Variants in C5orf15 observed in about 807,000 individuals in gnomAD.
C5orf15 encodes chromosome 5 open reading frame 15, also known as keratinocyte-associated transmembrane protein 2.
In C5orf15, 10 loss-of-function variants were observed where a neutral mutation model predicts 17.8. The ratio of observed to expected loss-of-function variants is 0.56; its 90% CI spans 0.35 to 0.95. The LOEUF is 0.95. Among genes scored for constraint, C5orf15 ranks in the 40% least tolerant of loss-of-function variants. The pLI is 0.02. For synonymous variants in C5orf15, 124 were observed against 131.0 expected, an observed-to-expected ratio of 0.95 and a Z score of 0.36; for missense variants, 319 against 331.7, an observed-to-expected ratio of 0.96 and a Z score of 0.30.
chr5:133,962,664 T>C (rs1329826026), intron 1 of C5orf15, among the ~76,000 whole-genome samples: 1 of 152,152 alleles, frequency 6.6e-6, no homozygotes, highest in African/African-American at 2.4e-5. Flanking sequence ...CCCTCCTCTT[T>C]ACCTCAGCCA....
intron 2 of C5orf15, among the ~76,000 whole-genome samples, chr5:133,958,576 C>CAA (rs71581378): frequency 0.069 from 2,214 of 31,912 alleles, 509 homozygotes; most frequent in Non-Finnish European, 0.11. Context: ...AGCTCTGTCT[C>CAA]AAAAAAAAAA....
intron 2 of C5orf15, among the ~76,000 whole-genome samples, chr5:133,957,786 A>G (rs1291553473): frequency 6.6e-6 from 1 of 152,280 alleles, no homozygotes; most frequent in South Asian, 2.1e-4. Context: ...AAGGAAATCA[A>G]GGCCCCGAAG....
intron 1 of C5orf15, among the ~76,000 whole-genome samples, chr5:133,962,242 T>C (rs1350780597): frequency 6.6e-6 from 1 of 152,170 alleles, no homozygotes; most frequent in Non-Finnish European, 1.5e-5. Context: ...ATAAAGAAAT[T>C]TCCACCACGC....
intron 1 of C5orf15, among the ~76,000 whole-genome samples, chr5:133,962,462 T>C (rs1315631642): frequency 3.3e-5 from 5 of 152,196 alleles, no homozygotes; most frequent in Non-Finnish European, 5.9e-5. Flanking sequence ...CCCGTTCTTC[T>C]CCCTAAATGC....
chr5:133,958,576 C>CAAAAA (rs71581378), intron 2 of C5orf15, among the ~76,000 whole-genome samples: 14 of 31,998 alleles, frequency 4.4e-4, no homozygotes, highest in African/African-American at 1.0e-3. Flanking sequence ...AGCTCTGTCT[C>CAAAAA]AAAAAAAAAA....
Position 133,956,154 on chromosome 5 carries a change from T to C in C5orf15, c.*705A>G, listed in dbSNP as rs1390715203. The C allele has an allele frequency of 1.3e-5, 2 of 152,674 alleles. No individual in the cohort carries two copies. The highest frequency in any genetic ancestry group is 4.8e-5 in the African/African-American group (2 of 41,472). The allele number at this position is 152,674 out of a possible 1,614,324, so 9.5% of individuals were successfully genotyped here. ...CAATCAATTGCTAACTAAAAGCAAT[T>C]GTACATGTATTTAACATTTTACCAG... On this transcript the variant is annotated 3_prime_UTR_variant, in exon 3 of 3. Transcript: ENST00000231512.
Position 133,959,994 on chromosome 5 carries a change from G to C in C5orf15, c.166C>G (p.Pro56Ala), listed in dbSNP as rs371520792. ...SVVSRTDSPS[P>A]TVLNSHISTP... ...GAAATATGTGAGTTGAGTACGGTTG[G>C]GCTCGGTGAATCAGTCCGTGATACA... Residue 56 changes from proline to alanine, a missense_variant, in exon 2 of 3, where the codon CCA becomes GCA. Coordinates refer to ENST00000231512, the MANE Select transcript of C5orf15 (RefSeq NM_020199.3). The C allele has an allele frequency of 2.5e-6, 4 of 1,610,392 alleles. No homozygotes were observed. The highest frequency in any genetic ancestry group is 3.4e-6 in the Non-Finnish European group (4 of 1,177,006).
chr5:133,966,850 G>A (rs1009722077), intron 1 of C5orf15, among the ~76,000 whole-genome samples: 1 of 152,166 alleles, frequency 6.6e-6, no homozygotes, highest in African/African-American at 2.4e-5. Context: ...CTGAATTTAT[G>A]ACATTTTAAA....
Position 133,959,657 on chromosome 5 carries a change from G to T in C5orf15, c.503C>A (p.Thr168Asn). 1 of 1,613,472 alleles carries T rather than the reference G, an allele frequency of 6.2e-7. No homozygotes were observed. The highest frequency in any genetic ancestry group is 8.5e-7 in the Non-Finnish European group (1 of 1,179,850). The change falls in exon 2 of 3, where the codon ACC (threonine) becomes AAC (asparagine). Residue 168 changes from threonine (T) to asparagine (N), a missense_variant. Around this residue, in one of 3 missense-constraint regions of C5orf15, gnomAD observed 175 missense variants for 192.4 expected, o/e 0.91. Coordinates refer to ENST00000231512, the MANE Select transcript of C5orf15 (RefSeq NM_020199.3). Reference sequence around the variant, plus strand: ...CATGTAACCCCTGTTTTCTTCCAAGGTGTCATCAGACTCGTCGTCGTCCCT... The same window carrying T: ...CATGTAACCCCTGTTTTCTTCCAAGTTGTCATCAGACTCGTCGTCGTCCCT... The part of the protein sequence containing the change: ...GPRDDDESDD[T>N]LEENRGYMEI...
At position 133,958,601 on chromosome 5, in the gene C5orf15, A is replaced by C. The variant is rs1390230964; in HGVS notation, c.666+893T>G. On this transcript the variant is annotated intron_variant, in intron 2 of 2. Transcript: ENST00000231512. The stretch of plus-strand genomic sequence containing the variant: ...CAAAAAAAAAAAAAAAAAAAAAAAA[A>C]AAACTCTGTGAGATAAAATTCCTTA... 8.0e-5 allele frequency among the ~76,000 whole-genome samples: 12 copies of C among 150,176 alleles called. No homozygotes were observed. The East Asian group carries it at 2.1e-3, about 27-fold the overall frequency.
chr5:133,968,601 A>C lies in C5orf15; in HGVS notation c.-17T>G, dbSNP rs753836756. 1 of 1,590,402 alleles carries C rather than the reference A, an allele frequency of 6.3e-7. No individual in the cohort carries two copies. The highest frequency in any genetic ancestry group is 8.5e-7 in the Non-Finnish European group (1 of 1,169,970). ...AGCGGCCATAACGGACTCGGCTGGG[A>C]GCCTGCGCTGTTGCTAGGCTCTACG... On this transcript the variant is annotated 5_prime_UTR_variant, in exon 1 of 3. Coordinates refer to ENST00000231512, the MANE Select transcript of C5orf15 (RefSeq NM_020199.3).
intron 1 of C5orf15, among the ~76,000 whole-genome samples, chr5:133,960,250 A>G (rs1310457542): frequency 1.3e-5 from 2 of 152,208 alleles, no homozygotes; most frequent in African/African-American, 4.8e-5. Flanking sequence ...AAGCAGCATA[A>G]AAGACCTACT....
chr5:133,966,585 T>G (rs1010018042), intron 1 of C5orf15, among the ~76,000 whole-genome samples: 6 of 152,218 alleles, frequency 3.9e-5, no homozygotes, highest in Admixed American at 2.0e-4. Context: ...CATTGACAGT[T>G]TTTAAAACCT....
intron 1 of C5orf15, among the ~76,000 whole-genome samples, chr5:133,960,985 T>C (rs908870468): frequency 6.7e-6 from 1 of 150,144 alleles, no homozygotes; most frequent in African/African-American, 2.5e-5. Context: ...ATTCAGACAA[T>C]ATTTTAAAGT....
chr5:133,956,840 A>C lies in C5orf15; in HGVS notation c.*19T>G, dbSNP rs774904834. The C allele has an allele frequency of 2.5e-6, 4 of 1,571,634 alleles. No homozygotes were observed. In the South Asian group the frequency reaches 4.9e-5, roughly 19 times the overall value. ...GTCAAGCAAATAAAATTACATAAGC[A>C]AATTCAAATCACAGTGCTTTAAAAA... is the stretch of plus-strand genomic sequence containing the variant. On this transcript the variant is annotated 3_prime_UTR_variant, in exon 3 of 3. Coordinates refer to ENST00000231512, the MANE Select transcript of C5orf15 (RefSeq NM_020199.3).
At chr5:133,965,532 C>A (rs780449148) in intron 1 of C5orf15, among the ~76,000 whole-genome samples, 1 of 152,236 alleles carries the variant, frequency 6.6e-6, no homozygotes, top group African/African-American at 2.4e-5. Flanking sequence ...TCTGACTTTA[C>A]GGATTTAACT....
In C5orf15 at chr5:133,968,435, C is replaced by A. The variant is rs1380375135; in HGVS notation, c.139+11G>T. The A allele has an allele frequency of 1.2e-6, 2 of 1,601,982 alleles. No homozygotes were observed. Among genetic ancestry groups the A allele is most frequent in the African/African-American group, 2.7e-5 (2 of 74,670 alleles). On this transcript the variant is annotated intron_variant, in intron 1 of 2. Transcript: ENST00000231512. ...TAGCCTTCCTAAGCCCACACTGCCG[C>A]CCCCCTTTACCACTGGATAGAGCGG...
chr5:133,968,426 A>G lies in C5orf15; in HGVS notation c.139+20T>C. 1.9e-6 allele frequency: 3 copies of G among 1,600,250 alleles called. No homozygotes were observed. The highest frequency in any genetic ancestry group is 2.6e-6 in the Non-Finnish European group (3 of 1,174,268). On this transcript the variant is annotated intron_variant, in intron 1 of 2. Transcript: ENST00000231512. Reference sequence around the variant, plus strand: ...GAGCCCTCCTAGCCTTCCTAAGCCCACACTGCCGCCCCCCTTTACCACTGG... The same window carrying G: ...GAGCCCTCCTAGCCTTCCTAAGCCCGCACTGCCGCCCCCCTTTACCACTGG...
At chr5:133,968,344 C>T in intron 1 of C5orf15, 102 bp downstream of exon 1, 1 of 1,472,302 alleles carries the variant, frequency 6.8e-7, no homozygotes, top group Non-Finnish European at 9.2e-7. Context: ...CCGCCGTCTG[C>T]TCCTGACACT....
Sources: gnomAD v4.1 joint callset for allele counts (sites outside exome capture counted in the v4.1 genomes callset) on GRCh38, gnomAD v4.1.1 for gene constraint, gnomAD v4.1.1 regional missense constraint, MANE v1.5 for transcripts, NCBI Gene and HGNC (gene_info 2026-07-23, HGNC 2026-07-21) for gene names.